Variants in OR56A3 observed in about 807,000 individuals in gnomAD.
OR56A3 encodes olfactory receptor family 56 subfamily A member 3, also known as olfactory receptor 56A3.
A neutral mutation model predicts 17.5 loss-of-function variants in OR56A3; 23 were observed. The observed-to-expected ratio is 1.32, with a 90% CI of 0.95 to 1.87. The LOEUF (loss-of-function observed/expected upper bound fraction) is 1.87. Ranked by LOEUF, OR56A3 falls within the 40% of genes most tolerant of loss-of-function variation. The pLI, the probability that OR56A3 is intolerant of heterozygous loss-of-function variation, is 0.00. For missense variants in OR56A3, 366 were observed against 380.1 expected (o/e 0.96, Z 0.31); for synonymous variants, 175 against 150.6 (o/e 1.16, Z -1.19).
the OR56A3 span, among the ~76,000 whole-genome samples, chr11:5,982,517 T>G: frequency 6.6e-6 from 1 of 152,080 alleles, no homozygotes; most frequent in Non-Finnish European, 1.5e-5. Flanking sequence ...CATGGAGCCA[T>G]GCTGGGACCC....
At chr11:5,960,907 C>T in the OR56A3 span, among the ~76,000 whole-genome samples, 1 of 151,610 alleles carries the variant, frequency 6.6e-6, no homozygotes, top group Non-Finnish European at 1.5e-5. Flanking sequence ...TGCCTCTGCC[C>T]GGCCGTGACC....
At chr11:5,957,263 T>A in the OR56A3 span, among the ~76,000 whole-genome samples, 1 of 152,224 alleles carries the variant, frequency 6.6e-6, no homozygotes, top group South Asian at 2.1e-4. Flanking sequence ...ATATCAAATA[T>A]TTAGGAGTCT....
At chr11:6,003,390 A>G in the OR56A3 span, among the ~76,000 whole-genome samples, 1 of 152,200 alleles carries the variant, frequency 6.6e-6, no homozygotes, top group Non-Finnish European at 1.5e-5. Flanking sequence ...AGTACACTTT[A>G]CTAATATTTA....
chr11:6,019,877 C>A, the OR56A3 span: 1 of 152,074 alleles, frequency 6.6e-6, no homozygotes, highest in Non-Finnish European at 1.5e-5. Flanking sequence ...AAAAATGAGA[C>A]CTTGATCCCT....
chr11:6,019,013 G>A, the OR56A3 span, among the ~76,000 whole-genome samples: 3 of 151,852 alleles, frequency 2.0e-5, no homozygotes, highest in Non-Finnish European at 4.4e-5. Flanking sequence ...AGTGAGTAAT[G>A]AGATTGAATC....
the OR56A3 span, chr11:5,993,773 A>G: frequency 4.2e-6 from 1 of 240,034 alleles, no homozygotes; most frequent in African/African-American, 2.3e-5. Flanking sequence ...TACTCAGCAT[A>G]TCTAAAGTAT....
chr11:5,972,930 T>C, the OR56A3 span, among the ~76,000 whole-genome samples: 32 of 152,200 alleles, frequency 2.1e-4, no homozygotes, highest in African/African-American at 6.8e-4. Flanking sequence ...GAGAATTCAA[T>C]TCTGCATCTG....
At chr11:6,002,597 T>C in the OR56A3 span, 1 of 1,614,204 alleles carries the variant, frequency 6.2e-7, no homozygotes, top group East Asian at 2.2e-5. Context: ...GGTATCTCAA[T>C]GGATGGCAGA....
the OR56A3 span, chr11:6,006,496 G>T: frequency 6.6e-6 from 1 of 152,172 alleles, no homozygotes; most frequent in African/African-American, 2.4e-5. Context: ...TAACAGTCTG[G>T]AAAAGTCAGA....
chr11:5,982,828 A>C, the OR56A3 span, among the ~76,000 whole-genome samples: 1 of 152,100 alleles, frequency 6.6e-6, no homozygotes, highest in African/African-American at 2.4e-5. Flanking sequence ...AGGTACATGG[A>C]GAGTGGGCCA....
chr11:6,011,129 C>G, the OR56A3 span, among the ~76,000 whole-genome samples: 1 of 151,758 alleles, frequency 6.6e-6, no homozygotes, highest in Non-Finnish European at 1.5e-5. Context: ...TATTACATCT[C>G]TCATCACTTT....
the OR56A3 span, among the ~76,000 whole-genome samples, chr11:6,006,009 T>C: frequency 6.6e-6 from 1 of 152,116 alleles, no homozygotes; most frequent in African/African-American, 2.4e-5. Context: ...GAAAAGTGAT[T>C]AAGATCTGAA....
the OR56A3 span, chr11:6,019,967 T>A: frequency 6.6e-6 from 1 of 151,926 alleles, no homozygotes; most frequent in Non-Finnish European, 1.5e-5. Flanking sequence ...TCTCAACCTC[T>A]TTCTTAAATA....
the OR56A3 span, among the ~76,000 whole-genome samples, chr11:6,012,011 C>T: frequency 6.6e-6 from 1 of 152,212 alleles, no homozygotes. Flanking sequence ...GGAGTCACAG[C>T]CCCGGCTCAG....
chr11:5,945,581 A>T (rs1847864871), intron 2 of OR56A3, among the ~76,000 whole-genome samples: 1 of 32,050 alleles, frequency 3.1e-5, no homozygotes, highest in Admixed American at 3.5e-4. Flanking sequence ...ACCCCATATA[A>T]AAAAAAAAAA....
At chr11:5,999,093 T>A in the OR56A3 span, among the ~76,000 whole-genome samples, 9 of 152,200 alleles carry the variant, frequency 5.9e-5, no homozygotes, top group Non-Finnish European at 1.2e-4. Flanking sequence ...AAATAGGCTA[T>A]GTTCAACTAA....
the OR56A3 span, among the ~76,000 whole-genome samples, chr11:6,009,675 G>A: frequency 2.6e-5 from 4 of 152,082 alleles, no homozygotes; most frequent in Admixed American, 6.5e-5. Context: ...CTATTTATCC[G>A]GCTCTATTCA....
At chr11:5,976,754 T>G in the OR56A3 span, among the ~76,000 whole-genome samples, 8 of 152,186 alleles carry the variant, frequency 5.3e-5, no homozygotes, top group Non-Finnish European at 7.3e-5. Context: ...AGTATACATA[T>G]GCAGGTTTGT....
chr11:5,986,329 G>A, the OR56A3 span: 3 of 1,613,890 alleles, frequency 1.9e-6, no homozygotes, highest in Non-Finnish European at 2.5e-6. Context: ...TTTCACAACA[G>A]CCATATGTTC....
Sources: gnomAD v4.1 joint callset for allele counts (sites outside exome capture counted in the v4.1 genomes callset) on GRCh38, gnomAD v4.1.1 for gene constraint, MANE v1.5 for transcripts, NCBI Gene and HGNC (gene_info 2026-07-23, HGNC 2026-07-21) for gene names.